CLSTN1: variants seen among roughly 807,000 people sequenced by gnomAD.
The protein encoded by CLSTN1 is calsyntenin 1.
In CLSTN1, 28 loss-of-function variants were observed where a neutral mutation model predicts 108.3. The ratio of observed to expected loss-of-function variants is 0.26; its 90% CI spans 0.19 to 0.35. CLSTN1 has a LOEUF of 0.35. CLSTN1 is among the 10% of genes least tolerant of loss of function. CLSTN1 has a pLI of 1.00. For synonymous variants in CLSTN1, 524 were observed against 534.9 expected, an observed-to-expected ratio of 0.98 and a Z score of 0.28; for missense variants, 1,157 against 1,302.6, an observed-to-expected ratio of 0.89 and a Z score of 1.72.
At chr1:9,799,895 C>T (rs1446353618) in intron 1 of CLSTN1, among the ~76,000 whole-genome samples, 1 of 151,950 alleles carries the variant, frequency 6.6e-6, no homozygotes, top group African/African-American at 2.4e-5. Context: ...GAGCCAAGAT[C>T]GTGCCACTGC....
At chr1:9,751,288 G>A (rs1332764278) in intron 5 of CLSTN1, among the ~76,000 whole-genome samples, 185 bp downstream of exon 5, 4 of 152,184 alleles carry the variant, frequency 2.6e-5, no homozygotes, top group Admixed American at 6.6e-5. Flanking sequence ...TTCCAGAGAA[G>A]AAGTTGTCAG....
chr1:9,735,714 T>C (rs1221665904), intron 12 of CLSTN1, 99 bp from the exon 13 acceptor site: 1 of 1,536,672 alleles, frequency 6.5e-7, no homozygotes, highest in Non-Finnish European at 8.8e-7. Flanking sequence ...CTGGGTTCGA[T>C]TTGAATTGCT....
At chr1:9,814,474 A>G (rs1343086808) in intron 1 of CLSTN1, among the ~76,000 whole-genome samples, 3 of 152,242 alleles carry the variant, frequency 2.0e-5, no homozygotes, top group Non-Finnish European at 2.9e-5. Context: ...CTTTGAATCT[A>G]AAGACATATT....
chr1:9,823,702 G>C lies in CLSTN1; in HGVS notation c.32C>G (p.Pro11Arg), dbSNP rs938030743. The change falls in exon 1 of 19, where the codon CCG becomes CGG. Residue 11 changes from proline to arginine, a missense_variant. Pro to Arg is a moderately radical substitution (Grantham distance 103). Transcript: ENST00000377298. This position sits in a 1 kb window ranked among gnomAD's most constrained non-coding sequence, Gnocchi z 6.3. MLRRPAPALA[P>R]AARLLLAGLL... The stretch of plus-strand genomic sequence containing the variant: ...CCCGGCCAGCAGCAGCCGGGCGGCC[G>C]GGGCCAGCGCGGGAGCGGGGCGGCG... 2.8e-5 allele frequency: 32 copies of C among 1,130,074 alleles called. No homozygotes were observed. The highest frequency in any genetic ancestry group is 3.4e-5 in the Non-Finnish European group (31 of 923,054). 70.0% of individuals were successfully genotyped at this position (1,130,074 alleles called of 1,614,324 possible).
intron 2 of CLSTN1, among the ~76,000 whole-genome samples, chr1:9,761,825 T>G (rs1445820826): frequency 1.3e-5 from 2 of 152,214 alleles, no homozygotes; most frequent in Non-Finnish European, 2.9e-5. Context: ...TAAGGTTCTC[T>G]GATTGTAAGC....
intron 1 of CLSTN1, among the ~76,000 whole-genome samples, chr1:9,796,458 C>T (rs192155157): frequency 1.3e-5 from 2 of 149,080 alleles, no homozygotes; most frequent in Non-Finnish European, 3.0e-5. Flanking sequence ...GGGTGGATCA[C>T]GAGGTCAGGA....
intron 2 of CLSTN1, among the ~76,000 whole-genome samples, chr1:9,770,083 A>G (rs1424206636): frequency 6.6e-6 from 1 of 152,170 alleles, no homozygotes; most frequent in Non-Finnish European, 1.5e-5. Flanking sequence ...TCCAAAAAAG[A>G]AAAAAGAAAG....
chr1:9,733,280 G>A (rs1183953270), intron 16 of CLSTN1, 121 bp downstream of exon 16: 2 of 1,235,348 alleles, frequency 1.6e-6, no homozygotes, highest in Non-Finnish European at 2.3e-6. Context: ...CCCCTAGAAT[G>A]AGCCTGTATA....
At chr1:9,770,890 G>A (rs922730462) in intron 2 of CLSTN1, among the ~76,000 whole-genome samples, 2 of 152,116 alleles carry the variant, frequency 1.3e-5, no homozygotes, top group African/African-American at 4.8e-5. Context: ...GCTAATGGGA[G>A]GCTGAGGCAG....
intron 10 of CLSTN1, among the ~76,000 whole-genome samples, chr1:9,739,240 T>C (rs1650849113): frequency 6.6e-6 from 1 of 152,180 alleles, no homozygotes; most frequent in South Asian, 2.1e-4. Flanking sequence ...TTGTCACCAA[T>C]AGAATGCACT....
chr1:9,756,850 G>A (rs1219345046), intron 2 of CLSTN1, among the ~76,000 whole-genome samples: 2 of 152,008 alleles, frequency 1.3e-5, no homozygotes, highest in Admixed American at 6.6e-5. Context: ...GTGCTATCTC[G>A]GCTCACTGCA....
At chr1:9,779,915 C>T (rs1570483964) in intron 1 of CLSTN1, among the ~76,000 whole-genome samples, 1 of 151,956 alleles carries the variant, frequency 6.6e-6, no homozygotes, top group East Asian at 1.9e-4. Context: ...ATGAATGGTG[C>T]AATCTGGGCT....
At position 9,731,920 on chromosome 1, in the gene CLSTN1, G is replaced by A. The variant is rs147800584; in HGVS notation, c.2428-24C>T. ...ACCTATAGCAGAGAAAGAGAGGATCGCTGGAGACAGGCATCCTGAGCCTGT... is the reference window on the plus strand; with the variant it reads ...ACCTATAGCAGAGAAAGAGAGGATCACTGGAGACAGGCATCCTGAGCCTGT... On this transcript the variant is annotated intron_variant, in intron 16 of 18. Coordinates refer to ENST00000377298, the MANE Select transcript of CLSTN1 (RefSeq NM_001009566.3). 364 of 1,613,822 alleles carry A rather than the reference G, an allele frequency of 2.3e-4. 2 individuals carry two copies. The African/African-American group carries it at 3.8e-3, about 17-fold the overall frequency.
chr1:9,757,994 T>A (rs971815704), intron 2 of CLSTN1, among the ~76,000 whole-genome samples: 1 of 151,384 alleles, frequency 6.6e-6, no homozygotes. Flanking sequence ...AGTTTTTTGT[T>A]TGTTTGTTTT....
chr1:9,753,357 G>C (rs1317706227), intron 4 of CLSTN1, among the ~76,000 whole-genome samples: 2 of 152,110 alleles, frequency 1.3e-5, no homozygotes, highest in African/African-American at 4.8e-5. Context: ...CACGTCCTGA[G>C]GTATGGCGAC....
intron 2 of CLSTN1, among the ~76,000 whole-genome samples, chr1:9,759,979 T>G (rs1651993070): frequency 6.6e-6 from 1 of 152,226 alleles, no homozygotes; most frequent in African/African-American, 2.4e-5. Flanking sequence ...GCGAGGCAGT[T>G]CCACATCATC....
At chr1:9,740,909 G>A (rs1450659631) in intron 10 of CLSTN1, among the ~76,000 whole-genome samples, 185 bp downstream of exon 10, 2 of 152,186 alleles carry the variant, frequency 1.3e-5, no homozygotes, top group African/African-American at 2.4e-5. Flanking sequence ...CCTACAGACA[G>A]AGCTATGCTA....
In CLSTN1 at chr1:9,741,312, A is replaced by G; in HGVS notation, c.1357-56T>C. ...GAGATGTCCACTTTCCTTCTCATCA[A>G]TGCCCATGGAAACCAAGTCACCCAA... On this transcript the variant is annotated intron_variant, in intron 9 of 18. Transcript: ENST00000377298. 3.9e-6 allele frequency: 6 copies of G among 1,530,772 alleles called. No individual in the cohort carries two copies. In the East Asian group the frequency reaches 6.9e-5, roughly 18 times the overall value. The allele number at this position is 1,530,772 out of a possible 1,614,324, so 94.8% of individuals were successfully genotyped here. A position where few individuals can be genotyped will look rare whatever the true frequency, so the allele number is the denominator to read the frequency against.
chr1:9,732,305 C>T (rs540460356), intron 16 of CLSTN1, among the ~76,000 whole-genome samples: 1 of 152,222 alleles, frequency 6.6e-6, no homozygotes, highest in African/African-American at 2.4e-5. Flanking sequence ...CTCAAGTAAT[C>T]CTCCCACCTC....
Sources: gnomAD v4.1 joint callset for allele counts (sites outside exome capture counted in the v4.1 genomes callset) on GRCh38, gnomAD v4.1.1 for gene constraint, Gnocchi (gnomAD v3.1) non-coding constraint, MANE v1.5 for transcripts, NCBI Gene and HGNC (gene_info 2026-07-23, HGNC 2026-07-21) for gene names.